ADCY8: variants seen among roughly 807,000 people sequenced by gnomAD.
The protein encoded by ADCY8 is adenylate cyclase type 8.
In ADCY8, 51 loss-of-function variants were observed where a neutral mutation model predicts 119.7. The observed-to-expected ratio is 0.43, with a 90% CI of 0.34 to 0.54. The LOEUF is 0.54. ADCY8 is among the 20% of genes least tolerant of loss of function. The pLI is 0.03. For missense variants in ADCY8, 1,383 were observed against 1,598.8 expected (o/e 0.87, Z 2.30); for synonymous variants, 665 against 651.0 (o/e 1.02, Z -0.33).
At chr8:130,987,172 G>A (rs1822426733) in intron 2 of ADCY8, among the ~76,000 whole-genome samples, 1 of 152,026 alleles carries the variant, frequency 6.6e-6, no homozygotes, top group African/African-American at 2.4e-5. Context: ...TAAGATTTTT[G>A]CATGTGTTTT....
intron 7 of ADCY8, among the ~76,000 whole-genome samples, chr8:130,895,945 G>A (rs1799212482): frequency 6.6e-6 from 1 of 152,146 alleles, no homozygotes; most frequent in Non-Finnish European, 1.5e-5. Context: ...GTTTTTAGGG[G>A]GAGGAATTTC....
chr8:130,793,036 AC>A (rs765520917), intron 15 of ADCY8, among the ~76,000 whole-genome samples: 5 of 152,108 alleles, frequency 3.3e-5, no homozygotes, highest in Non-Finnish European at 7.4e-5. Context: ...AATAGAAAGT[AC>A]CCAAGACATG....
intron 2 of ADCY8, among the ~76,000 whole-genome samples, chr8:130,977,393 C>T (rs1822104734): frequency 6.6e-6 from 1 of 152,182 alleles, no homozygotes; most frequent in Non-Finnish European, 1.5e-5. Context: ...TTTGAATCAT[C>T]CATAAGGTGT....
At chr8:130,815,952 A>G (rs570421696) in intron 13 of ADCY8, among the ~76,000 whole-genome samples, 6 of 152,334 alleles carry the variant, frequency 3.9e-5, no homozygotes, top group African/African-American at 1.4e-4. Flanking sequence ...TGTCCTTTCC[A>G]AAGGATCTCA....
chr8:131,006,066 A>ACAC (rs1257130338), intron 1 of ADCY8, among the ~76,000 whole-genome samples: 2 of 152,058 alleles, frequency 1.3e-5, no homozygotes, highest in Admixed American at 6.6e-5. Flanking sequence ...ACACACGCAC[A>ACAC]CACACACAAC....
intron 2 of ADCY8, among the ~76,000 whole-genome samples, chr8:130,987,515 T>C (rs1232806978): frequency 1.3e-5 from 2 of 152,138 alleles, no homozygotes; most frequent in South Asian, 2.1e-4. Flanking sequence ...ATAAAAATCA[T>C]GAGTGCTTGA....
At position 130,977,871 on chromosome 8, in the gene ADCY8, G is replaced by A. The variant is rs568091616; in HGVS notation, c.1110+12522C>T. Among the ~76,000 whole-genome samples, 8 of 152,342 alleles carry A rather than the reference G, an allele frequency of 5.3e-5. 1 individual carries two copies. In the South Asian group the frequency reaches 1.7e-3, roughly 32 times the overall value. On this transcript the variant is annotated intron_variant, in intron 2 of 17. Coordinates refer to ENST00000286355, the MANE Select transcript of ADCY8 (RefSeq NM_001115.3). ...TTTAGAGTTCATCCTTTTCTTGGGTGCAGTGGATCACATGGGGCTGACTCT... is the reference window on the plus strand; with the variant it reads ...TTTAGAGTTCATCCTTTTCTTGGGTACAGTGGATCACATGGGGCTGACTCT...
At chr8:130,867,369 A>T (rs1818164016) in intron 9 of ADCY8, among the ~76,000 whole-genome samples, 1 of 152,178 alleles carries the variant, frequency 6.6e-6, no homozygotes, top group Non-Finnish European at 1.5e-5. Flanking sequence ...TAATCATGGC[A>T]CCTACCTCAT....
At chr8:130,966,869 A>T (rs1821778141) in intron 2 of ADCY8, among the ~76,000 whole-genome samples, 1 of 152,202 alleles carries the variant, frequency 6.6e-6, no homozygotes, top group Non-Finnish European at 1.5e-5. Flanking sequence ...CATTGTAACC[A>T]CAACCCAAAT....
Position 130,847,460 on chromosome 8 carries a change from G to A in ADCY8, c.2466C>T (p.Ser822=), listed in dbSNP as rs1180070520. 3 of 1,612,546 alleles carry A rather than the reference G, an allele frequency of 1.9e-6. No homozygotes were observed. The highest frequency in any genetic ancestry group is 2.5e-6 in the Non-Finnish European group (3 of 1,179,508). ...AGCAGATATCTGTAAACACAGCTGA[G>A]GAATTGAAAGTCAGGTTCTTCAAGG... ...SIPLKNLTFN[S]SAVFTDICSY... Residue 822 remains serine (S), a synonymous_variant, in exon 11 of 18, where the codon TCC becomes TCT. Coordinates refer to ENST00000286355, the MANE Select transcript of ADCY8 (RefSeq NM_001115.3).
intron 1 of ADCY8, among the ~76,000 whole-genome samples, chr8:131,029,126 T>C (rs1446704458): frequency 1.3e-5 from 2 of 152,194 alleles, no homozygotes; most frequent in Admixed American, 6.5e-5. Context: ...TAGATTCTCA[T>C]AGGAGTTCAA....
intron 2 of ADCY8, among the ~76,000 whole-genome samples, chr8:130,963,057 T>G (rs1483739552): frequency 6.6e-6 from 1 of 151,936 alleles, no homozygotes. Context: ...ATCAGGCAAC[T>G]CAGAGTCACG....
At position 130,980,472 on chromosome 8, in the gene ADCY8, G is replaced by C. The variant is rs77435092; in HGVS notation, c.1110+9921C>G. 4.0e-3 allele frequency among the ~76,000 whole-genome samples: 614 copies of C among 152,246 alleles called. 3 individuals carry two copies. The highest frequency in any genetic ancestry group is 0.014 in the African/African-American group (593 of 41,546). On this transcript the variant is annotated intron_variant, in intron 2 of 17. Coordinates refer to ENST00000286355, the MANE Select transcript of ADCY8 (RefSeq NM_001115.3). ...ATGCAGGAGAGAAATGGAGAAGGAA[G>C]TAGGGTTAGAAACGTTGGAAAAAAA... is the stretch of plus-strand genomic sequence containing the variant.
At position 130,832,257 on chromosome 8, in the gene ADCY8, T is replaced by C. The variant is rs567729540; in HGVS notation, c.2675+4020A>G. On this transcript the variant is annotated intron_variant, in intron 12 of 17. Transcript: ENST00000286355. ...GGCATCATGAACTAAATCAGAGGGT[T>C]GTTGTGGGACAGGTAGTTTGACGAG... Among the ~76,000 whole-genome samples the C allele has an allele frequency of 3.9e-5, 6 of 152,250 alleles. No individual in the cohort carries two copies. The South Asian group carries it at 1.2e-3, about 32-fold the overall frequency.
At chr8:130,822,253 T>TAA (rs1816533064) in intron 12 of ADCY8, among the ~76,000 whole-genome samples, 1 of 152,136 alleles carries the variant, frequency 6.6e-6, no homozygotes, top group African/African-American at 2.4e-5. Flanking sequence ...TCCTAAAAGA[T>TAA]AAGGCTTCAC....
At chr8:130,995,985 C>T (rs1054656893) in intron 1 of ADCY8, among the ~76,000 whole-genome samples, 2 of 151,990 alleles carry the variant, frequency 1.3e-5, no homozygotes, top group Non-Finnish European at 2.9e-5. Context: ...TTAATAAGTT[C>T]TAGATATTTG....
At chr8:130,807,791 C>T (rs371974047) in intron 14 of ADCY8, among the ~76,000 whole-genome samples, 177 of 151,136 alleles carry the variant, frequency 1.2e-3, no homozygotes, top group African/African-American at 3.7e-3. Context: ...GAGACCATCC[C>T]GGCTAAAACG....
intron 5 of ADCY8, among the ~76,000 whole-genome samples, chr8:130,928,040 A>G (rs1820523448): frequency 6.6e-6 from 1 of 152,146 alleles, no homozygotes; most frequent in African/African-American, 2.4e-5. Flanking sequence ...CAGCCCTCTG[A>G]GTAGTTACGG....
At chr8:131,028,672 G>A (rs1294935282) in intron 1 of ADCY8, among the ~76,000 whole-genome samples, 1 of 152,190 alleles carries the variant, frequency 6.6e-6, no homozygotes, top group Non-Finnish European at 1.5e-5. Context: ...GAAGTCTGTA[G>A]ATAAACTGGT....
Sources: allele counts gnomAD v4.1 joint callset (sites outside exome capture counted in the v4.1 genomes callset), GRCh38; gene constraint gnomAD v4.1.1; transcripts MANE v1.5; gene names NCBI Gene and HGNC (gene_info 2026-07-23, HGNC 2026-07-21).